APP: variants seen among roughly 807,000 people sequenced by gnomAD.
APP encodes amyloid-beta precursor protein.
Under a neutral mutation model 101.4 loss-of-function variants are expected in APP, and 31 were observed. The observed-to-expected ratio is 0.31, with a 90% CI of 0.23 to 0.41. The LOEUF is 0.41. Among genes scored for constraint, APP ranks in the 10% least tolerant of loss-of-function variants. The probability of loss-of-function intolerance (pLI) is 1.00; values close to 1 mark genes in which losing one functional copy is unlikely to be tolerated. For synonymous variants in APP, 366 were observed against 364.4 expected (o/e 1.00, Z -0.05); for missense variants, 839 against 1,003.7 (o/e 0.84, Z 2.22).
intron 1 of APP, among the ~76,000 whole-genome samples, chr21:26,146,521 C>T (rs45627138): frequency 0.094 from 14,295 of 152,088 alleles, 907 homozygotes; most frequent in Admixed American, 0.15. Context: ...TTTTTGTCCA[C>T]GTCTAATAGA....
At chr21:25,973,616 G>C (rs969446514) in intron 11 of APP, among the ~76,000 whole-genome samples, 2 of 152,102 alleles carry the variant, frequency 1.3e-5, no homozygotes, top group African/African-American at 4.8e-5. Context: ...ATCACAGGCA[G>C]AGCTTTCAAT....
At chr21:25,994,086 T>C (rs2042965820) in intron 8 of APP, among the ~76,000 whole-genome samples, 1 of 152,056 alleles carries the variant, frequency 6.6e-6, no homozygotes, top group Non-Finnish European at 1.5e-5. Flanking sequence ...CATTAAGGAG[T>C]TGGTCTGTTT....
At chr21:25,897,928 T>A in intron 15 of APP, 1 of 498,792 alleles carries the variant, frequency 2.0e-6, no homozygotes, top group Middle Eastern at 5.5e-4. Flanking sequence ...ATGCTATAAT[T>A]TTTGAAAATG....
intron 1 of APP, among the ~76,000 whole-genome samples, chr21:26,133,973 T>A (rs979372202): frequency 6.6e-6 from 1 of 152,226 alleles, no homozygotes; most frequent in African/African-American, 2.4e-5. Flanking sequence ...CAAAATGGCA[T>A]TCAGTCCTTT....
chr21:25,903,407 AAAAGAAAAAAACATTGACTGGT>A (rs2038618304), intron 15 of APP, among the ~76,000 whole-genome samples: 1 of 152,136 alleles, frequency 6.6e-6, no homozygotes, highest in South Asian at 2.1e-4. Context: ...ATTTTTTTAA[AAAAGAAAAAAACATTGACTGGT>A]AGTGTCACCT....
intron 2 of APP, among the ~76,000 whole-genome samples, chr21:26,091,776 A>G (rs1476310580): frequency 6.6e-6 from 1 of 152,036 alleles, no homozygotes; most frequent in African/African-American, 2.4e-5. Flanking sequence ...GAAGAGGAAA[A>G]GAGGAAATGA....
At chr21:26,088,877 G>A (rs1468191218) in intron 3 of APP, among the ~76,000 whole-genome samples, 2 of 152,090 alleles carry the variant, frequency 1.3e-5, no homozygotes, top group Non-Finnish European at 2.9e-5. Context: ...AAATTCACCA[G>A]GTGAAATCTT....
rs572930225 is a variant in APP, at chr21:25,903,088, C to T, written c.1963+1936G>A. On this transcript the variant is annotated intron_variant, in intron 15 of 17. Coordinates refer to ENST00000346798, the MANE Select transcript of APP (RefSeq NM_000484.4). Reference sequence around the variant, plus strand: ...AAAAAATTTTTTTTAAAAGAATAGGCCGGGCATGGTGCTTATGCCTGTAAT... The same window carrying T: ...AAAAAATTTTTTTTAAAAGAATAGGTCGGGCATGGTGCTTATGCCTGTAAT... 9.9e-3 allele frequency among the ~76,000 whole-genome samples: 4 copies of T among 404 alleles called. No homozygotes were observed. In the South Asian group the frequency reaches 0.21, roughly 22 times the overall value. 0.3% of individuals were successfully genotyped at this position (404 alleles called of 152,430 possible).
chr21:26,097,953 GC>G (rs2061982406), intron 2 of APP, among the ~76,000 whole-genome samples: 1 of 151,644 alleles, frequency 6.6e-6, no homozygotes, highest in Admixed American at 6.6e-5. Context: ...GGTGGCAGGC[GC>G]CTGTAGTCTC....
At chr21:25,923,412 G>A (rs2146360636) in intron 13 of APP, among the ~76,000 whole-genome samples, 1 of 143,316 alleles carries the variant, frequency 7.0e-6, no homozygotes, top group Non-Finnish European at 1.5e-5. Flanking sequence ...CTTCTGCACA[G>A]CAAAAGAAAC....
Position 26,018,634 on chromosome 21 carries a change from C to T in APP, c.865+3206G>A, listed in dbSNP as rs569963330. 2.0e-5 allele frequency among the ~76,000 whole-genome samples: 3 copies of T among 152,280 alleles called. No homozygotes were observed. In the East Asian group the frequency reaches 5.8e-4, roughly 29 times the overall value. On this transcript the variant is annotated intron_variant, in intron 6 of 17. Coordinates refer to ENST00000346798, the MANE Select transcript of APP (RefSeq NM_000484.4). Reference sequence around the variant, plus strand: ...CATGTTTCTGTTAGGCCCCCTTTCCCAGGAAGACTTGCCTCAATTAGAGCT... The same window carrying T: ...CATGTTTCTGTTAGGCCCCCTTTCCTAGGAAGACTTGCCTCAATTAGAGCT...
intron 5 of APP, among the ~76,000 whole-genome samples, chr21:26,027,618 A>G (rs1449330734): frequency 2.0e-5 from 3 of 152,210 alleles, no homozygotes; most frequent in Non-Finnish European, 4.4e-5. Flanking sequence ...GCAGGCAAAT[A>G]GAACTCAGGG....
At chr21:26,062,707 C>T (rs1204834066) in intron 3 of APP, among the ~76,000 whole-genome samples, 3 of 126,476 alleles carry the variant, frequency 2.4e-5, no homozygotes, top group Non-Finnish European at 5.2e-5. Flanking sequence ...TGTTAGCAGT[C>T]TTGCAGCTTT....
At chr21:25,966,874 T>A (rs1244080200) in intron 11 of APP, among the ~76,000 whole-genome samples, 1 of 152,250 alleles carries the variant, frequency 6.6e-6, no homozygotes, top group East Asian at 1.9e-4. Flanking sequence ...GCGAAAAATT[T>A]ATTTATGAGG....
At chr21:25,899,222 G>A (rs1289468926) in intron 15 of APP, among the ~76,000 whole-genome samples, 1 of 152,168 alleles carries the variant, frequency 6.6e-6, no homozygotes, top group Non-Finnish European at 1.5e-5. Context: ...AGGCAATGGT[G>A]CTACTTCCCC....
chr21:26,149,028 A>T (rs1452861423), intron 1 of APP, among the ~76,000 whole-genome samples: 1 of 152,156 alleles, frequency 6.6e-6, no homozygotes, highest in African/African-American at 2.4e-5. Flanking sequence ...TGGGAGGGGG[A>T]GAGAAGACAC....
chr21:25,979,725 C>G (rs1390255511), intron 9 of APP, among the ~76,000 whole-genome samples: 1 of 151,546 alleles, frequency 6.6e-6, no homozygotes, highest in Non-Finnish European at 1.5e-5. Context: ...CTAAAACTAA[C>G]AGAGAATTTG....
chr21:25,949,267 C>T lies in APP; in HGVS notation c.1687+5323G>A, dbSNP rs568047067. Among the ~76,000 whole-genome samples, 12 of 152,166 alleles carry T rather than the reference C, an allele frequency of 7.9e-5. No homozygotes were observed. In the South Asian group the frequency reaches 2.5e-3, roughly 32 times the overall value. On this transcript the variant is annotated intron_variant, in intron 13 of 17. Coordinates refer to ENST00000346798, the MANE Select transcript of APP (RefSeq NM_000484.4). ...GGGAATAGCTTCAGACTGTGGTTGGCGGTCAAACAGGACAGCACAATTAAA... is the reference window on the plus strand; with the variant it reads ...GGGAATAGCTTCAGACTGTGGTTGGTGGTCAAACAGGACAGCACAATTAAA...
chr21:25,902,837 A>G (rs2038577637), intron 15 of APP, among the ~76,000 whole-genome samples: 1 of 152,212 alleles, frequency 6.6e-6, no homozygotes, highest in Non-Finnish European at 1.5e-5. Flanking sequence ...AGCTCCTGAG[A>G]GCAGGGACCC....
Sources: allele counts gnomAD v4.1 joint callset (sites outside exome capture counted in the v4.1 genomes callset), GRCh38; gene constraint gnomAD v4.1.1; transcripts MANE v1.5; gene names NCBI Gene and HGNC (gene_info 2026-07-23, HGNC 2026-07-21).